The following ARHGAP1 variants were observed in gnomAD, a reference collection of about 807,000 sequenced individuals.
ARHGAP1 encodes the protein rho GTPase-activating protein 1.
In ARHGAP1, 23 loss-of-function variants were observed where a neutral mutation model predicts 52.2. That is an observed-to-expected ratio of 0.44 (90% CI 0.32 to 0.62). ARHGAP1 has a LOEUF of 0.62. Among genes scored for constraint, ARHGAP1 ranks in the 20% least tolerant of loss-of-function variants. The pLI is 0.05. For synonymous variants in ARHGAP1, 210 were observed against 228.4 expected, an observed-to-expected ratio of 0.92 and a Z score of 0.73; for missense variants, 480 against 560.9, an observed-to-expected ratio of 0.86 and a Z score of 1.46.
Position 46,681,126 on chromosome 11 carries a change from G to A in ARHGAP1, c.537-17C>T. The A allele has an allele frequency of 6.2e-7, 1 of 1,612,202 alleles. No homozygotes were observed. The highest frequency in any genetic ancestry group is 1.1e-5 in the South Asian group (1 of 91,034). On this transcript the variant is annotated splice_polypyrimidine_tract_variant and intron_variant, in intron 6 of 12. Transcript: ENST00000311956. This position sits in a 1 kb window ranked among gnomAD's most constrained non-coding sequence, Gnocchi z 5.7. ...AACTTGAAGCTGTTGGTGGAAGAAA[G>A]GGCCTGGGTTGTGGGGGCCCGCTTC...
In ARHGAP1 at chr11:46,680,553, TCTC is replaced by T. The variant is rs1484328311; in HGVS notation, c.751_753del (p.Glu251del). ...GGAATGGGCTCCTGCTCTGGATTCT[TCTC>T]CTGGAGGCTGCGGGAAAAAGGCTGG... On this transcript the variant is annotated inframe_deletion, in exon 9 of 13. Transcript: ENST00000311956. This position sits in a 1 kb window ranked among gnomAD's most constrained non-coding sequence, Gnocchi z 5.9. 6.8e-6 allele frequency: 11 copies of T among 1,613,822 alleles called. No individual in the cohort carries two copies. The highest frequency in any genetic ancestry group is 6.8e-6 in the Non-Finnish European group (8 of 1,179,962).
At chr11:46,695,875 T>G in intron 2 of ARHGAP1, 100 bp downstream of exon 2, 2 of 1,600,478 alleles carry the variant, frequency 1.2e-6, no homozygotes, top group South Asian at 1.1e-5. Flanking sequence ...AACCTGGGAC[T>G]GGTCTGCCCC....
rs11418068 is a variant in ARHGAP1, at chr11:46,693,407, C to CTT, written c.229+2251_229+2252dup. ...AAGAACCACTTCACTAGACTGTAATCTTTTTTTTTTTTCTTTGAGCCAGGA... is the reference window on the plus strand; with the variant it reads ...AAGAACCACTTCACTAGACTGTAATCTTTTTTTTTTTTTTCTTTGAGCCAGGA... On this transcript the variant is annotated intron_variant, in intron 3 of 12. Transcript: ENST00000311956. Among the ~76,000 whole-genome samples the CTT allele has an allele frequency of 5.6e-3, 808 of 145,440 alleles. 6 individuals carry two copies. Among genetic ancestry groups the CTT allele is most frequent in the African/African-American group, 0.016 (644 of 39,538 alleles).
chr11:46,680,586 C>T lies in ARHGAP1; in HGVS notation c.744-23G>A, dbSNP rs1267098547. On this transcript the variant is annotated intron_variant, in intron 8 of 12. Coordinates refer to ENST00000311956, the MANE Select transcript of ARHGAP1 (RefSeq NM_004308.5). This position sits in a 1 kb window ranked among gnomAD's most constrained non-coding sequence, Gnocchi z 5.9. ...AGGCTGCGGGAAAAAGGCTGGTGAG[C>T]CGGGCCTGCAGCCCTTCCCGCCCCG... 1.9e-6 allele frequency: 3 copies of T among 1,613,816 alleles called. No homozygotes were observed. Among genetic ancestry groups the T allele is most frequent in the Non-Finnish European group, 2.5e-6 (3 of 1,179,834 alleles).
intron 3 of ARHGAP1, among the ~76,000 whole-genome samples, chr11:46,694,662 G>T (rs941364844): frequency 6.6e-6 from 1 of 152,166 alleles, no homozygotes. Flanking sequence ...TGACTTTCCC[G>T]TGCCCAATTC....
intron 4 of ARHGAP1, among the ~76,000 whole-genome samples, chr11:46,683,971 T>C (rs2064549176): frequency 6.6e-6 from 1 of 152,146 alleles, no homozygotes; most frequent in African/African-American, 2.4e-5. Flanking sequence ...GCCAAACAGC[T>C]CCTAGGCTCC....
intron 3 of ARHGAP1, 24 bp downstream of exon 3, chr11:46,695,636 G>T: frequency 6.5e-7 from 1 of 1,549,656 alleles, no homozygotes; most frequent in South Asian, 1.2e-5. Context: ...TGAGGGTTAG[G>T]AAAATAGTGT....
At chr11:46,691,154 C>T (rs2064611689) in intron 3 of ARHGAP1, among the ~76,000 whole-genome samples, 1 of 152,204 alleles carries the variant, frequency 6.6e-6, no homozygotes, top group Non-Finnish European at 1.5e-5. Flanking sequence ...AGTTGCGTAC[C>T]ATGGCACCTA....
chr11:46,696,048 C>T lies in ARHGAP1; in HGVS notation c.60G>A (p.Leu20=), dbSNP rs2064651323. ...CGATGGAGGCCAGCTTCAGCTGGTT[C>T]AGAGCCTCGCTGGTGTCATCCAAGG... The part of the protein sequence containing the change: ...DLTLDDTSEA[L]NQLKLASIDE... The change falls in exon 2 of 13, where the codon CTG becomes CTA. Residue 20 remains leucine (L), a synonymous_variant. Transcript: ENST00000311956. The surrounding 1 kb of genome is among the most constrained non-coding windows in gnomAD (Gnocchi z 4.8). 3.1e-6 allele frequency: 5 copies of T among 1,613,844 alleles called. No homozygotes were observed. The highest frequency in any genetic ancestry group is 4.2e-6 in the Non-Finnish European group (5 of 1,179,874).
intron 4 of ARHGAP1, 100 bp downstream of exon 4, chr11:46,688,073 G>A: frequency 8.4e-7 from 1 of 1,186,434 alleles, no homozygotes; most frequent in Non-Finnish European, 1.2e-6. Flanking sequence ...AAGGCAGGTG[G>A]CCTAGCACCC....
In ARHGAP1 at chr11:46,681,945, C is replaced by T; in HGVS notation, c.449+106G>A. On this transcript the variant is annotated intron_variant, in intron 5 of 12. Transcript: ENST00000311956. The surrounding 1 kb of genome is among the most constrained non-coding windows in gnomAD (Gnocchi z 5.7). ...CATTGACGTAGACGGCAGCCCCCGC[C>T]ACCCCCTGCCTTGGAATAAGCTCCT... is the stretch of plus-strand genomic sequence containing the variant. 6.6e-7 allele frequency: 1 copy of T among 1,521,946 alleles called. No homozygotes were observed. The highest frequency in any genetic ancestry group is 1.8e-5 in the Admixed American group (1 of 55,438). 94.3% of individuals were successfully genotyped at this position (1,521,946 alleles called of 1,614,324 possible). A position where few individuals can be genotyped will look rare whatever the true frequency, so the allele number is the denominator to read the frequency against.
rs144522434 is a variant in ARHGAP1 at position 46,680,675 on chromosome 11, G to A, written c.708C>T (p.Pro236=). ...AGACTCCAAACTGCTGGTTGGGCAGGGGGGGCCGTGGGGGCATGGGCTTGG... is the reference window on the plus strand; with the variant it reads ...AGACTCCAAACTGCTGGTTGGGCAGAGGGGGCCGTGGGGGCATGGGCTTGG... ...TAPKPMPPRP[P]LPNQQFGVSL... Residue 236 remains proline, a synonymous_variant, in exon 8 of 13, where the codon CCC becomes CCT. Transcript: ENST00000311956. The surrounding 1 kb of genome is among the most constrained non-coding windows in gnomAD (Gnocchi z 5.9). The A allele has an allele frequency of 2.4e-5, 39 of 1,606,084 alleles. No homozygotes were observed. The highest frequency in any genetic ancestry group is 4.5e-5 in the East Asian group (2 of 44,800).
Position 46,677,203 on chromosome 11 carries a change from T to TG in ARHGAP1, c.*1833dup, listed in dbSNP as rs1368250123. On this transcript the variant is annotated 3_prime_UTR_variant, in exon 13 of 13. Transcript: ENST00000311956. ...TCACACAGTACAAGCACCCGCTCCCTGGGGTACAGACCAGTGGGGGACATG... is the reference window on the plus strand; with the variant it reads ...TCACACAGTACAAGCACCCGCTCCCTGGGGGTACAGACCAGTGGGGGACATG... 1 of 152,600 alleles carries TG rather than the reference T, an allele frequency of 6.6e-6. No individual in the cohort carries two copies. Among genetic ancestry groups the TG allele is most frequent in the African/African-American group, 2.4e-5 (1 of 41,454 alleles). The allele number at this position is 152,600 out of a possible 1,614,324, so 9.5% of individuals were successfully genotyped here.
chr11:46,695,271 TC>T, intron 3 of ARHGAP1: 1 of 354,782 alleles, frequency 2.8e-6, no homozygotes, highest in Non-Finnish European at 5.6e-6. Context: ...GGCTACAATT[TC>T]CCAGGAAGGA....
At chr11:46,687,640 C>G (rs994679848) in intron 4 of ARHGAP1, 1 of 152,590 alleles carries the variant, frequency 6.6e-6, no homozygotes, top group Non-Finnish European at 1.5e-5. Flanking sequence ...GTCTTTCAAG[C>G]CTTGGCATTC....
At chr11:46,685,432 A>G (rs2064561689) in intron 4 of ARHGAP1, among the ~76,000 whole-genome samples, 1 of 150,412 alleles carries the variant, frequency 6.6e-6, no homozygotes, top group Non-Finnish European at 1.5e-5. Flanking sequence ...GGTTCAGGTG[A>G]TTCTCCAGCC....
In ARHGAP1 at chr11:46,681,220, C is replaced by T; in HGVS notation, c.536+73G>A. On this transcript the variant is annotated intron_variant, in intron 6 of 12. Transcript: ENST00000311956. The surrounding 1 kb of genome is among the most constrained non-coding windows in gnomAD (Gnocchi z 5.7). Reference sequence around the variant, plus strand: ...GAAGCCCAGCCGCACCTGGTGGTCCCCAGGCTGCCCAGCCTCCCAGCTTCA... The same window carrying T: ...GAAGCCCAGCCGCACCTGGTGGTCCTCAGGCTGCCCAGCCTCCCAGCTTCA... 1 of 1,552,048 alleles carries T rather than the reference C, an allele frequency of 6.4e-7. No individual in the cohort carries two copies.
At position 46,682,042 on chromosome 11, in the gene ARHGAP1, C is replaced by G; in HGVS notation, c.449+9G>C. 1.2e-6 allele frequency: 2 copies of G among 1,613,894 alleles called. No homozygotes were observed. ...GATCTGACTGTGCAGGCCCCATGCC[C>G]CAACCCACTTGCGGTCAAACTCCCG... On this transcript the variant is annotated intron_variant, in intron 5 of 12. Transcript: ENST00000311956.
chr11:46,679,451 T>A lies in ARHGAP1; in HGVS notation c.1045A>T (p.Arg349Trp), dbSNP rs1216528327. The change falls in exon 12 of 13, where the codon AGG becomes TGG. Residue 349 changes from arginine (R) to tryptophan (W), a missense_variant. By Grantham distance (101) the Arg-to-Trp change is moderately radical (BLOSUM62 -3). Transcript: ENST00000311956. The surrounding 1 kb of genome is among the most constrained non-coding windows in gnomAD (Gnocchi z 4.4). ...VGFLNIDESQ[R>W]VPATLQVLQT... ...AGGACCTGCAGTGTCGCTGGCACCC[T>A]CTGGCTTTCATCAATGTCTATGAGG... The A allele has an allele frequency of 1.2e-6, 2 of 1,614,024 alleles. No individual in the cohort carries two copies. Among genetic ancestry groups the A allele is most frequent in the Admixed American group, 1.7e-5 (1 of 59,996 alleles).
Sources: allele counts gnomAD v4.1 joint callset (sites outside exome capture counted in the v4.1 genomes callset), GRCh38; gene constraint gnomAD v4.1.1; non-coding constraint Gnocchi (gnomAD v3.1); transcripts MANE v1.5; gene names NCBI Gene and HGNC (gene_info 2026-07-23, HGNC 2026-07-21).